Variants in MUC4 observed in about 807,000 individuals in gnomAD.
The protein encoded by MUC4 is mucin 4, cell surface associated.
In MUC4, 202 loss-of-function variants were observed where a neutral mutation model predicts 257.9. The observed-to-expected ratio is 0.78, with a 90% CI of 0.70 to 0.88. The LOEUF is 0.88. Ranked by LOEUF, MUC4 falls within the 40% of genes least tolerant of loss-of-function variation. The pLI is 0.00. For synonymous variants in MUC4, 2,351 were observed against 2,757.1 expected (o/e 0.85, Z 4.62); for missense variants, 5,976 against 6,513.7 (o/e 0.92, Z 2.84).
At position 195,788,926 on chromosome 3, in the gene MUC4, G is replaced by A. The variant is rs752700892; in HGVS notation, c.2654C>T (p.Pro885Leu). The A allele has an allele frequency of 3.7e-5, 60 of 1,613,404 alleles. No homozygotes were observed. Among genetic ancestry groups the A allele is most frequent in the East Asian group, 3.1e-4 (14 of 44,876 alleles). Reference protein sequence around the residue: ...TLSEASTAGRPTGQSSPTSPS... With the variant: ...TLSEASTAGRLTGQSSPTSPS... The stretch of plus-strand genomic sequence containing the variant: ...AGAAGTTGGGCTTGACTGTCCTGTC[G>A]GTCTCCCTGCAGTGGAGGCCTCAGA... Residue 885 changes from proline to leucine, a missense_variant, in exon 2 of 25, where the codon CCG (proline) becomes CTG (leucine). Physicochemically the swap from Pro to Leu is moderately conservative, Grantham distance 98. Around this residue, in one of 44 missense-constraint regions of MUC4, gnomAD observed 1,583 missense variants for 1,257.4 expected, o/e 1.26. Transcript: ENST00000463781.
intron 7 of MUC4, among the ~76,000 whole-genome samples, chr3:195,767,660 C>CCACCAT (rs1426232027): frequency 2.9e-5 from 2 of 69,638 alleles, no homozygotes; most frequent in Non-Finnish European, 4.9e-5. Flanking sequence ...ACCACCACCA[C>CCACCAT]CACCATCACC....
At position 195,788,768 on chromosome 3, in the gene MUC4, T is replaced by C; in HGVS notation, c.2812A>G (p.Thr938Ala). ...ATDTFSTVPP[T>A]PPSITSTGLT... ...CCAGTGGATGTGATCGATGGAGGTG[T>C]GGGTGGGACTGTTGAGAAGGTGTCG... The change falls in exon 2 of 25, where the codon ACA becomes GCA. Residue 938 changes from threonine to alanine, a missense_variant. Thr to Ala is a moderately conservative substitution (Grantham distance 58). Transcript: ENST00000463781. The C allele has an allele frequency of 6.2e-7, 1 of 1,613,752 alleles. No individual in the cohort carries two copies. The highest frequency in any genetic ancestry group is 8.5e-7 in the Non-Finnish European group (1 of 1,179,788).
In MUC4 at chr3:195,791,188, A is replaced by T. The variant is rs770260751; in HGVS notation, c.392T>A (p.Leu131His). The T allele has an allele frequency of 6.2e-7, 1 of 1,613,692 alleles. No individual in the cohort carries two copies. Among genetic ancestry groups the T allele is most frequent in the Non-Finnish European group, 8.5e-7 (1 of 1,179,860 alleles). ...TSFPSSVTNT[L>H]MMTSKTITMT... ...TGTTATAGTCTTTGATGTCATCATG[A>T]GTGTGTTGGTGACACTGGAGGGAAA... The change falls in exon 2 of 25, where the codon CTC (leucine) becomes CAC (histidine). Residue 131 changes from leucine (L) to histidine (H), a missense_variant. Around this residue, in one of 44 missense-constraint regions of MUC4, gnomAD observed 1,583 missense variants for 1,257.4 expected, o/e 1.26. Coordinates refer to ENST00000463781, the MANE Select transcript of MUC4 (RefSeq NM_018406.7).
Position 195,786,309 on chromosome 3 carries a change from C to T in MUC4, c.5271G>A (p.Gln1757=). The change falls in exon 2 of 25, where the codon CAG becomes CAA. Residue 1757 remains glutamine, a synonymous_variant. Coordinates refer to ENST00000463781, the MANE Select transcript of MUC4 (RefSeq NM_018406.7). The stretch of plus-strand genomic sequence containing the variant: ...TGTCGGTGACAGGAAGAGGGGTGGC[C>T]TGACCTGTGGATGCTGAGGAAGCGT... The part of the protein sequence containing the change: ...VTDASSASTG[Q]ATPLPVTDTS... The T allele has an allele frequency of 7.6e-7, 1 of 1,316,236 alleles. No individual in the cohort carries two copies. The highest frequency in any genetic ancestry group is 1.0e-6 in the Non-Finnish European group (1 of 1,004,628). The allele number at this position is 1,316,236 out of a possible 1,614,324, so 81.5% of individuals were successfully genotyped here. A position where few individuals can be genotyped will look rare whatever the true frequency, so the allele number is the denominator to read the frequency against.
Position 195,782,867 on chromosome 3 carries a change from C to T in MUC4, c.8713G>A (p.Val2905Ile), listed in dbSNP as rs201318553. 18 of 1,520,956 alleles carry T rather than the reference C, an allele frequency of 1.2e-5. 1 individual carries two copies. Among genetic ancestry groups the T allele is most frequent in the Non-Finnish European group, 1.6e-5 (18 of 1,127,658 alleles). 94.2% of individuals were successfully genotyped at this position (1,520,956 alleles called of 1,614,324 possible). A position where few individuals can be genotyped will look rare whatever the true frequency, so the allele number is the denominator to read the frequency against. The change falls in exon 2 of 25, where the codon GTA becomes ATA. Residue 2905 changes from valine to isoleucine, a missense_variant. By Grantham distance (29) the Val-to-Ile change is conservative. Around this residue, in one of 44 missense-constraint regions of MUC4, gnomAD observed 228 missense variants for 206.3 expected, o/e 1.11. Coordinates refer to ENST00000463781, the MANE Select transcript of MUC4 (RefSeq NM_018406.7). ...TPLPLTSLSSVSTGDTTPLPV... is the reference protein window; with the variant it reads ...TPLPLTSLSSISTGDTTPLPV... ...AGAGGCGTGGTGTCACCTGTGGATA[C>T]TGAGGAAAGGCTGGTGAGAGGAAGA...
chr3:195,782,333 T>C lies in MUC4; in HGVS notation c.9247A>G (p.Thr3083Ala). 1 of 1,463,594 alleles carries C rather than the reference T, an allele frequency of 6.8e-7. No homozygotes were observed. Among genetic ancestry groups the C allele is most frequent in the Non-Finnish European group, 9.1e-7 (1 of 1,095,416 alleles). 90.7% of individuals were successfully genotyped at this position (1,463,594 alleles called of 1,614,324 possible). ...ACAGGAAGAGGGGTGGCGTGACCTG[T>C]GGATGCTGAGGAAGTGTCGGTGACA... ...LPVTDTSSAS[T>A]GHATPLPVTS... The change falls in exon 2 of 25, where the codon ACA becomes GCA. Residue 3083 changes from threonine (T) to alanine (A), a missense_variant. Thr to Ala is a moderately conservative substitution (Grantham distance 58). Transcript: ENST00000463781.
Position 195,785,886 on chromosome 3 carries a change from G to T in MUC4, c.5694C>A (p.Ser1898=), listed in dbSNP as rs1236133996. The change falls in exon 2 of 25, where the codon TCC becomes TCA. Residue 1898 remains serine (S), a synonymous_variant. Transcript: ENST00000463781. ...CATGAAGAGGGGTGGTGTCACCTGT[G>T]GATGCTGAGTTAGTGTCGGTGACAG... ...PLPVTDTNSA[S]TGDTTPLHVT... is the part of the protein sequence containing the mutation. 5 of 1,490,396 alleles carry T rather than the reference G, an allele frequency of 3.4e-6. No homozygotes were observed. The South Asian group carries it at 5.0e-5, about 15-fold the overall frequency. 92.3% of individuals were successfully genotyped at this position (1,490,396 alleles called of 1,614,324 possible). A position where few individuals can be genotyped will look rare whatever the true frequency, so the allele number is the denominator to read the frequency against.
Position 195,765,205 on chromosome 3 carries a change from G to A in MUC4, c.13798+65C>T, listed in dbSNP as rs2148818407. On this transcript the variant is annotated intron_variant, in intron 9 of 24. Coordinates refer to ENST00000463781, the MANE Select transcript of MUC4 (RefSeq NM_018406.7). ...AACAAGCAGGGGCTGTTTCTGGGGAGAGGCTGAGGGCGTGAGCAGAGAGGG... is the reference window on the plus strand; with the variant it reads ...AACAAGCAGGGGCTGTTTCTGGGGAAAGGCTGAGGGCGTGAGCAGAGAGGG... The A allele has an allele frequency of 1.9e-6, 3 of 1,584,284 alleles. No individual in the cohort carries two copies. In the East Asian group the frequency reaches 6.8e-5, roughly 36 times the overall value.
At chr3:195,798,568 G>A (rs1349865580) in intron 1 of MUC4, among the ~76,000 whole-genome samples, 1 of 151,944 alleles carries the variant, frequency 6.6e-6, no homozygotes. Context: ...GCCGGGCGTG[G>A]TGGCGGGCGC....
intron 1 of MUC4, among the ~76,000 whole-genome samples, chr3:195,801,914 C>T (rs1184213129): frequency 3.3e-5 from 5 of 151,970 alleles, no homozygotes; most frequent in Non-Finnish European, 5.9e-5. Flanking sequence ...CGCTCCCGGG[C>T]CCTCCACTCC....
At chr3:195,760,611 G>T (rs1275840507) in intron 16 of MUC4, among the ~76,000 whole-genome samples, 4 of 110,702 alleles carry the variant, frequency 3.6e-5, no homozygotes, top group African/African-American at 1.3e-4. Context: ...AGTGAAGGGG[G>T]CTGGGAAGGC....
At chr3:195,809,918 CAA>C (rs1736477733) in intron 1 of MUC4, 3 of 152,454 alleles carry the variant, frequency 2.0e-5, no homozygotes, top group Admixed American at 2.0e-4. Context: ...CAGTTCACGG[CAA>C]AGACTTGGCC....
In MUC4 at chr3:195,808,575, C is replaced by T. The variant is rs140560256; in HGVS notation, c.82+3161G>A. Among the ~76,000 whole-genome samples, 780 of 152,284 alleles carry T rather than the reference C, an allele frequency of 5.1e-3. 5 individuals carry two copies. The highest frequency in any genetic ancestry group is 0.011 in the African/African-American group (444 of 41,558). Reference sequence around the variant, plus strand: ...CTCATGACAACCCTACGTAGTAGCCCCTTCCCCCTGGGCTCAGTTTGCCGA... The same window carrying T: ...CTCATGACAACCCTACGTAGTAGCCTCTTCCCCCTGGGCTCAGTTTGCCGA... On this transcript the variant is annotated intron_variant, in intron 1 of 24. Transcript: ENST00000463781.
At chr3:195,804,454 G>A (rs757986699) in intron 1 of MUC4, among the ~76,000 whole-genome samples, 2 of 152,228 alleles carry the variant, frequency 1.3e-5, no homozygotes, top group Non-Finnish European at 2.9e-5. Flanking sequence ...TTCCAAGAAG[G>A]GTGAAGCCAC....
chr3:195,771,870 T>G, intron 4 of MUC4, 54 bp from the exon 5 acceptor site: 2 of 1,581,816 alleles, frequency 1.3e-6, no homozygotes, highest in Non-Finnish European at 1.7e-6. Flanking sequence ...GGGAGGAAAG[T>G]CCCAGCCTTG....
chr3:195,778,699 G>A (rs915854745), intron 2 of MUC4, 91 bp downstream of exon 2: 42 of 1,409,560 alleles, frequency 3.0e-5, no homozygotes, highest in Admixed American at 4.3e-5. Flanking sequence ...ACCAGGTAAT[G>A]CGAATGCACC....
rs775979462 is a variant in MUC4, at chr3:195,788,661, G to C, written c.2919C>G (p.Asn973Lys). Residue 973 changes from asparagine to lysine, a missense_variant, in exon 2 of 25, where the codon AAC (asparagine) becomes AAG (lysine). Physicochemically the swap from Asn to Lys is moderately conservative, Grantham distance 94 (BLOSUM62 0). Coordinates refer to ENST00000463781, the MANE Select transcript of MUC4 (RefSeq NM_018406.7). ...CGTAGGTGACAGGAAGAGGGGTGGC[G>C]TTGCTGATGAGGGCCGTGGTGAAGG... ...GKTFTTALIS[N>K]ATPLPVTYAS... 6 of 1,611,916 alleles carry C rather than the reference G, an allele frequency of 3.7e-6. No homozygotes were observed. Among genetic ancestry groups the C allele is most frequent in the South Asian group, 1.1e-5 (1 of 90,660 alleles).
At chr3:195,753,384 C>T (rs535278066) in intron 19 of MUC4, 154 bp from the exon 20 acceptor site, 50 of 704,212 alleles carry the variant, frequency 7.1e-5, no homozygotes, top group African/African-American at 9.2e-5. Flanking sequence ...CTTTTCCAGG[C>T]GTTTCTCTGC....
At chr3:195,796,866 GAT>G (rs1734640535) in intron 1 of MUC4, among the ~76,000 whole-genome samples, 1 of 152,152 alleles carries the variant, frequency 6.6e-6, no homozygotes, top group Non-Finnish European at 1.5e-5. Context: ...GGAAACCAAA[GAT>G]AGGATAAGAA....
Sources: allele counts gnomAD v4.1 joint callset (sites outside exome capture counted in the v4.1 genomes callset), GRCh38; gene constraint gnomAD v4.1.1; regional missense constraint gnomAD v4.1.1; transcripts MANE v1.5; gene names NCBI Gene and HGNC (gene_info 2026-07-23, HGNC 2026-07-21).